CNTN4: variants seen among roughly 807,000 people sequenced by gnomAD.
CNTN4 encodes contactin 4.
In CNTN4, 77 loss-of-function variants were observed where a neutral mutation model predicts 122.5. That is an observed-to-expected ratio of 0.63 (90% confidence interval 0.52 to 0.76). CNTN4 has a LOEUF of 0.76. Among genes scored for constraint, CNTN4 ranks in the 30% least tolerant of loss-of-function variants. The pLI, the probability that CNTN4 is intolerant of heterozygous loss-of-function variation, is 0.00. For missense variants in CNTN4, 1,256 were observed against 1,259.1 expected, an observed-to-expected ratio of 1.00 and a Z score of 0.04; for synonymous variants, 512 against 447.0, an observed-to-expected ratio of 1.15 and a Z score of -1.83.
chr3:2,416,181 A>G (rs1323069509), intron 3 of CNTN4, among the ~76,000 whole-genome samples: 1 of 152,132 alleles, frequency 6.6e-6, no homozygotes, highest in Non-Finnish European at 1.5e-5. Flanking sequence ...ATAAGTTATA[A>G]GCTTATTTCC....
intron 3 of CNTN4, among the ~76,000 whole-genome samples, chr3:2,554,102 A>C (rs950888530): frequency 6.6e-6 from 1 of 152,186 alleles, no homozygotes; most frequent in African/African-American, 2.4e-5. Context: ...GGCCAAAATT[A>C]ATCTTTATAA....
At chr3:2,673,846 G>A (rs901823928) in intron 4 of CNTN4, among the ~76,000 whole-genome samples, 1 of 152,076 alleles carries the variant, frequency 6.6e-6, no homozygotes, top group African/African-American at 2.4e-5. Flanking sequence ...CCGGCCGGAG[G>A]GTCAGTTTTA....
intron 2 of CNTN4, among the ~76,000 whole-genome samples, chr3:2,296,592 T>C (rs139105212): frequency 7.9e-5 from 12 of 152,236 alleles, no homozygotes; most frequent in African/African-American, 2.4e-4. Flanking sequence ...GGAAGAATGA[T>C]TTGTCTCAGG....
rs1260760498 is a variant in CNTN4 at position 2,743,253 on chromosome 3, G to A, written c.183-2269G>A. Among the ~76,000 whole-genome samples, 7 of 152,062 alleles carry A rather than the reference G, an allele frequency of 4.6e-5. No individual in the cohort carries two copies. In the South Asian group the frequency reaches 8.3e-4, roughly 18 times the overall value. The stretch of plus-strand genomic sequence containing the variant: ...TTGAAGTAAGAGTTATGGTCAAGAC[G>A]TGATCAGCTGACTCAAAAAAAAAAT... On this transcript the variant is annotated intron_variant, in intron 5 of 24. Coordinates refer to ENST00000418658, the MANE Select transcript of CNTN4 (RefSeq NM_175607.3).
At chr3:2,483,092 G>T (rs921125499) in intron 3 of CNTN4, among the ~76,000 whole-genome samples, 2 of 152,194 alleles carry the variant, frequency 1.3e-5, no homozygotes, top group Non-Finnish European at 2.9e-5. Flanking sequence ...GCAGCCAGGA[G>T]GGGTGCTATA....
intron 3 of CNTN4, among the ~76,000 whole-genome samples, chr3:2,432,793 A>G (rs1188410718): frequency 6.8e-6 from 1 of 147,496 alleles, no homozygotes; most frequent in Non-Finnish European, 1.5e-5. Context: ...GGTAGTGCAG[A>G]TATGTCTGGC....
At chr3:2,932,943 C>T (rs1334334905) in intron 13 of CNTN4, among the ~76,000 whole-genome samples, 1 of 152,086 alleles carries the variant, frequency 6.6e-6, no homozygotes, top group Non-Finnish European at 1.5e-5. Flanking sequence ...TTGCCTCAGC[C>T]TCCCGAGTAG....
intron 12 of CNTN4, among the ~76,000 whole-genome samples, chr3:2,922,039 C>T (rs894667847): frequency 6.6e-6 from 1 of 152,156 alleles, no homozygotes; most frequent in Non-Finnish European, 1.5e-5. Flanking sequence ...CATTCTAATA[C>T]TGAGGGAGTG....
At chr3:2,942,523 T>G (rs2094625907) in intron 13 of CNTN4, among the ~76,000 whole-genome samples, 1 of 152,202 alleles carries the variant, frequency 6.6e-6, no homozygotes, top group Admixed American at 6.5e-5. Flanking sequence ...ATGTGCCTTA[T>G]AATTTTCATA....
chr3:2,873,293 A>T (rs1227860517), intron 8 of CNTN4, among the ~76,000 whole-genome samples: 1 of 152,172 alleles, frequency 6.6e-6, no homozygotes, highest in Non-Finnish European at 1.5e-5. Context: ...CTTAACTCCA[A>T]TCTCAACATT....
At chr3:2,417,532 C>T (rs2047459466) in intron 3 of CNTN4, among the ~76,000 whole-genome samples, 1 of 152,162 alleles carries the variant, frequency 6.6e-6, no homozygotes, top group Non-Finnish European at 1.5e-5. Context: ...CAGGAGACCT[C>T]TAGGGGAGTG....
At chr3:2,373,832 C>A (rs1043317375) in intron 3 of CNTN4, among the ~76,000 whole-genome samples, 1 of 152,120 alleles carries the variant, frequency 6.6e-6, no homozygotes, top group Admixed American at 6.5e-5. Context: ...CTAATTAAAG[C>A]AATGTTTTTG....
intron 4 of CNTN4, among the ~76,000 whole-genome samples, chr3:2,603,385 C>A (rs909171058): frequency 6.6e-6 from 1 of 152,110 alleles, no homozygotes; most frequent in East Asian, 1.9e-4. Context: ...TCTCTTGTAA[C>A]ATTATGGAAG....
At chr3:2,321,008 T>G (rs71309884) in intron 2 of CNTN4, among the ~76,000 whole-genome samples, 30,236 of 151,918 alleles carry the variant, frequency 0.2, 3,403 homozygotes, top group Non-Finnish European at 0.25. Flanking sequence ...CATGGGAGAG[T>G]TCAAAGAGAA....
At chr3:2,811,865 C>T (rs931393993) in intron 6 of CNTN4, among the ~76,000 whole-genome samples, 4 of 152,070 alleles carry the variant, frequency 2.6e-5, no homozygotes, top group South Asian at 2.1e-4. Context: ...AGGGTTTCCC[C>T]GTGTTGGCCA....
intron 3 of CNTN4, among the ~76,000 whole-genome samples, chr3:2,343,413 A>G (rs2044281573): frequency 6.6e-6 from 1 of 152,156 alleles, no homozygotes; most frequent in Non-Finnish European, 1.5e-5. Flanking sequence ...CCTGCAACCA[A>G]TCAGACGTTT....
intron 2 of CNTN4, among the ~76,000 whole-genome samples, chr3:2,205,594 C>T (rs1246236972): frequency 2.6e-5 from 4 of 151,990 alleles, no homozygotes; most frequent in Non-Finnish European, 4.4e-5. Context: ...GATGATGTCT[C>T]TCTGATTTTC....
chr3:2,123,270 G>A (rs1033936897), intron 2 of CNTN4, among the ~76,000 whole-genome samples: 3 of 152,106 alleles, frequency 2.0e-5, no homozygotes, highest in Non-Finnish European at 2.9e-5. Context: ...AGTTCAAAAC[G>A]GCTGAGTGCA....
rs528300538 is a variant in CNTN4, at chr3:2,903,802, G to A, written c.1207+797G>A. On this transcript the variant is annotated intron_variant, in intron 12 of 24. Transcript: ENST00000418658. ...CACTGCATTTTAACCTCCCCGTGAC[G>A]TCAAGGATCATAATTGGTTCAATTC... 3.1e-4 allele frequency among the ~76,000 whole-genome samples: 47 copies of A among 151,970 alleles called. 1 individual carries two copies. The Middle Eastern group carries it at 0.01, about 33-fold the overall frequency.
Sources: gnomAD v4.1 joint callset for allele counts (sites outside exome capture counted in the v4.1 genomes callset) on GRCh38, gnomAD v4.1.1 for gene constraint, MANE v1.5 for transcripts, NCBI Gene and HGNC (gene_info 2026-07-23, HGNC 2026-07-21) for gene names.